CTNNA1: variants seen among roughly 807,000 people sequenced by gnomAD.
CTNNA1 encodes catenin alpha-1.
In CTNNA1, 37 loss-of-function variants were observed where a neutral mutation model predicts 98.4. The ratio of observed to expected loss-of-function variants is 0.38; its 90% confidence interval spans 0.29 to 0.49. The LOEUF (loss-of-function observed/expected upper bound fraction) is 0.49, where lower values mean the gene tolerates loss of function less well. Among genes scored for constraint, CTNNA1 ranks in the 20% least tolerant of loss-of-function variants. CTNNA1 has a pLI of 0.95. For missense variants in CTNNA1, 761 were observed against 1,147.2 expected (o/e 0.66, Z 4.86); for synonymous variants, 404 against 413.2 (o/e 0.98, Z 0.27).
At chr5:138,781,554 C>CAA (rs5871681) in intron 1 of CTNNA1, among the ~76,000 whole-genome samples, 2 of 130,118 alleles carry the variant, frequency 1.5e-5, no homozygotes, top group Admixed American at 7.7e-5. Flanking sequence ...GACTCTGTCT[C>CAA]AAAAAAAAAA....
chr5:138,860,003 C>T (rs12110112), intron 7 of CTNNA1, among the ~76,000 whole-genome samples: 8 of 151,832 alleles, frequency 5.3e-5, no homozygotes, highest in African/African-American at 9.7e-5. Flanking sequence ...GTGTGGTGTG[C>T]GTGTGCATGC....
chr5:138,769,652 C>G (rs1753316515), intron 1 of CTNNA1, among the ~76,000 whole-genome samples: 1 of 152,050 alleles, frequency 6.6e-6, no homozygotes, highest in South Asian at 2.1e-4. Context: ...CCTGCCTCAG[C>G]CTCCCGAGTT....
At chr5:138,766,133 GACACACATACAC>G (rs1335149394) in intron 1 of CTNNA1, among the ~76,000 whole-genome samples, 2 of 150,870 alleles carry the variant, frequency 1.3e-5, no homozygotes, top group East Asian at 3.9e-4. Flanking sequence ...TTTCATGGGA[GACACACATACAC>G]ACACACAGAT....
At chr5:138,898,214 A>G (rs968111082) in intron 9 of CTNNA1, among the ~76,000 whole-genome samples, 2 of 116,766 alleles carry the variant, frequency 1.7e-5, no homozygotes, top group Non-Finnish European at 3.2e-5. Flanking sequence ...GTCTGCTCCC[A>G]CCTTTGCCTT....
At chr5:138,834,613 G>T (rs1761597536) in intron 7 of CTNNA1, among the ~76,000 whole-genome samples, 1 of 152,078 alleles carries the variant, frequency 6.6e-6, no homozygotes, top group African/African-American at 2.4e-5. Context: ...TAACAAATAT[G>T]ATTTTATAAC....
chr5:138,780,343 C>T (rs575177411), intron 1 of CTNNA1, among the ~76,000 whole-genome samples: 1 of 151,320 alleles, frequency 6.6e-6, no homozygotes, highest in East Asian at 1.9e-4. Context: ...GTGCCCGCCA[C>T]TGCGCCTGGC....
At chr5:138,887,742 TTAAC>T (rs1754393015) in intron 9 of CTNNA1, 100 bp downstream of exon 9, 1 of 936,596 alleles carries the variant, frequency 1.1e-6, no homozygotes, top group Admixed American at 2.4e-5. Context: ...AAGGGCTCGC[TTAAC>T]ATACAACATG....
chr5:138,812,067 A>G, intron 4 of CTNNA1, 116 bp from the exon 5 acceptor site: 1 of 836,720 alleles, frequency 1.2e-6, no homozygotes, highest in Non-Finnish European at 1.9e-6. Flanking sequence ...CTCGAGAGCT[A>G]AGTTTGGGTT....
At chr5:138,821,167 G>A (rs1760004107) in intron 5 of CTNNA1, among the ~76,000 whole-genome samples, 2 of 152,218 alleles carry the variant, frequency 1.3e-5, no homozygotes, top group African/African-American at 4.8e-5. Flanking sequence ...TAGAAGTGTT[G>A]AATCTCCATT....
intron 1 of CTNNA1, among the ~76,000 whole-genome samples, chr5:138,775,076 AAATG>A (rs1453907381): frequency 1.3e-4 from 20 of 152,238 alleles, no homozygotes; most frequent in African/African-American, 4.3e-4. Context: ...AATTAAACAC[AAATG>A]TGACCACATA....
intron 3 of CTNNA1, among the ~76,000 whole-genome samples, chr5:138,787,197 C>T (rs563884214): frequency 6.6e-6 from 1 of 152,154 alleles, no homozygotes; most frequent in African/African-American, 2.4e-5. Flanking sequence ...TTGGGAGGCC[C>T]AGTTGGGCGG....
intron 7 of CTNNA1, chr5:138,881,060 T>C (rs115749175): frequency 2.2e-6 from 1 of 456,290 alleles, no homozygotes; most frequent in African/African-American, 2.0e-5. Context: ...CAGCATTCCG[T>C]CTGCAGTTGA....
intron 10 of CTNNA1, among the ~76,000 whole-genome samples, chr5:138,907,107 T>C (rs1759432582): frequency 6.6e-6 from 1 of 152,192 alleles, no homozygotes; most frequent in Non-Finnish European, 1.5e-5. Flanking sequence ...CTGCAGCCTC[T>C]GCCTCCCAGG....
At chr5:138,803,128 C>T (rs1581076477) in intron 3 of CTNNA1, among the ~76,000 whole-genome samples, 1 of 151,512 alleles carries the variant, frequency 6.6e-6, no homozygotes, top group Admixed American at 6.6e-5. Context: ...CCTTTAGTAG[C>T]CCTTGCTTTT....
At chr5:138,895,911 A>C (rs1001347961) in intron 9 of CTNNA1, among the ~76,000 whole-genome samples, 1 of 152,192 alleles carries the variant, frequency 6.6e-6, no homozygotes, top group Non-Finnish European at 1.5e-5. Flanking sequence ...TGGAAATCTT[A>C]TCTGTTGCTT....
At chr5:138,793,031 T>A (rs1756546576) in intron 3 of CTNNA1, among the ~76,000 whole-genome samples, 1 of 152,184 alleles carries the variant, frequency 6.6e-6, no homozygotes, top group Non-Finnish European at 1.5e-5. Context: ...CATTGTGGCT[T>A]GGTCTTTTGT....
chr5:138,826,065 T>G (rs1333390359), intron 6 of CTNNA1, among the ~76,000 whole-genome samples: 1 of 152,190 alleles, frequency 6.6e-6, no homozygotes, highest in Non-Finnish European at 1.5e-5. Flanking sequence ...CTATTAAAAT[T>G]CTATGACCAT....
At chr5:138,796,405 G>A (rs1205567438) in intron 3 of CTNNA1, among the ~76,000 whole-genome samples, 2 of 152,060 alleles carry the variant, frequency 1.3e-5, no homozygotes, top group African/African-American at 4.8e-5. Flanking sequence ...TTAGCCAGGC[G>A]CGGTGGCGGG....
chr5:138,877,169 G>A (rs985791091), intron 7 of CTNNA1, among the ~76,000 whole-genome samples: 1 of 152,168 alleles, frequency 6.6e-6, no homozygotes, highest in Non-Finnish European at 1.5e-5. Flanking sequence ...GTTAAAGAAG[G>A]GAAGGAAACA....
Sources: gnomAD v4.1 joint callset for allele counts (sites outside exome capture counted in the v4.1 genomes callset) on GRCh38, gnomAD v4.1.1 for gene constraint, MANE v1.5 for transcripts, NCBI Gene and HGNC (gene_info 2026-07-23, HGNC 2026-07-21) for gene names.